Variants in ZNF343 observed in about 807,000 individuals in gnomAD.
ZNF343 encodes the protein zinc finger protein 343.
A neutral mutation model predicts 13.8 loss-of-function variants in ZNF343; 11 were observed. The ratio of observed to expected loss-of-function variants is 0.80; its 90% CI spans 0.50 to 1.32. ZNF343 has a LOEUF of 1.32. Ranked by LOEUF, ZNF343 falls within the 40% of genes most tolerant of loss-of-function variation. The pLI, the probability that ZNF343 is intolerant of heterozygous loss-of-function variation, is 0.00. For missense variants in ZNF343, 658 were observed against 714.2 expected (o/e 0.92, Z 0.90); for synonymous variants, 248 against 260.0 (o/e 0.95, Z 0.44).
At chr20:2,516,139 CTGAG>C (rs1021707815) in intron 1 of ZNF343, among the ~76,000 whole-genome samples, 20 of 151,884 alleles carry the variant, frequency 1.3e-4, no homozygotes, top group African/African-American at 4.6e-4. Flanking sequence ...AGAGAGCAGG[CTGAG>C]TGTTTGGTTC....
chr20:2,482,964 G>T lies in ZNF343; in HGVS notation c.*197C>A. 1 of 630,124 alleles carries T rather than the reference G, an allele frequency of 1.6e-6. No homozygotes were observed. The highest frequency in any genetic ancestry group is 2.7e-6 in the Non-Finnish European group (1 of 372,320). The allele number at this position is 630,124 out of a possible 1,614,324, so 39.0% of individuals were successfully genotyped here. A position where few individuals can be genotyped will look rare whatever the true frequency, so the allele number is the denominator to read the frequency against. On this transcript the variant is annotated 3_prime_UTR_variant, in exon 6 of 6. Coordinates refer to ENST00000278772, the MANE Select transcript of ZNF343 (RefSeq NM_024325.6). ...TCAAGGCTGACTGATGGCTACAGTT[G>T]CCCGTACTCTATACTCATAAGGCTC...
At chr20:2,490,147 T>C (rs765384565) in intron 5 of ZNF343, among the ~76,000 whole-genome samples, 14 of 152,018 alleles carry the variant, frequency 9.2e-5, no homozygotes, top group Non-Finnish European at 1.9e-4. Flanking sequence ...AGAATAAGCT[T>C]GTGGTTGCAG....
chr20:2,501,690 C>A (rs2085570166), intron 1 of ZNF343, among the ~76,000 whole-genome samples: 3 of 152,198 alleles, frequency 2.0e-5, no homozygotes, highest in Admixed American at 2.0e-4. Flanking sequence ...CTGCTGATAC[C>A]CAGTCAAACA....
intron 1 of ZNF343, among the ~76,000 whole-genome samples, chr20:2,514,615 A>G (rs1405631031): frequency 6.6e-6 from 1 of 152,224 alleles, no homozygotes; most frequent in African/African-American, 2.4e-5. Flanking sequence ...TAAGCAGTCT[A>G]ATTTAAAGCT....
rs57527598 is a variant in ZNF343, at chr20:2,502,909, G to A, written c.-236-2167C>T. On this transcript the variant is annotated intron_variant, in intron 1 of 5. Transcript: ENST00000278772. ...CTAGGAAGAAACTGCATCAACTAAC[G>A]AGCAAAATAACCAGCTAACATCATA... Among the ~76,000 whole-genome samples, 1,165 of 152,178 alleles carry A rather than the reference G, an allele frequency of 7.7e-3. 18 individuals carry two copies. Among genetic ancestry groups the A allele is most frequent in the African/African-American group, 0.026 (1,062 of 41,522 alleles).
chr20:2,495,390 C>T (rs1450895729), intron 2 of ZNF343: 2 of 152,240 alleles, frequency 1.3e-5, no homozygotes, highest in Non-Finnish European at 2.9e-5. Flanking sequence ...CTGTCCCAGA[C>T]ATCAGGCTTG....
intron 1 of ZNF343, among the ~76,000 whole-genome samples, chr20:2,504,017 C>T (rs1417114366): frequency 6.6e-6 from 1 of 152,072 alleles, no homozygotes; most frequent in African/African-American, 2.4e-5. Context: ...TCAGTGAATC[C>T]AGGAGCTGGT....
chr20:2,498,592 T>C (rs1309928677), intron 2 of ZNF343, among the ~76,000 whole-genome samples: 1 of 152,160 alleles, frequency 6.6e-6, no homozygotes, highest in Non-Finnish European at 1.5e-5. Context: ...AAAGGTGAGC[T>C]GAGAGATAAT....
Position 2,483,310 on chromosome 20 carries a change from A to G in ZNF343, c.1651T>C (p.Cys551Arg). 1 of 1,610,784 alleles carries G rather than the reference A, an allele frequency of 6.2e-7. No homozygotes were observed. The highest frequency in any genetic ancestry group is 8.5e-7 in the Non-Finnish European group (1 of 1,179,228). The change falls in exon 6 of 6, where the codon TGC becomes CGC. Residue 551 changes from cysteine to arginine, a missense_variant. By Grantham distance (180) the Cys-to-Arg change is radical. Transcript: ENST00000278772. Reference protein sequence around the residue: ...RTHSGEKPYVCSECGRGFSRK... With the variant: ...RTHSGEKPYVRSECGRGFSRK... ...CTAAAGCCTCGGCCACACTCACTGC[A>G]CACGTAAGGCTTCTCTCCTGAGTGT... is the stretch of plus-strand genomic sequence containing the variant.
At position 2,508,378 on chromosome 20, in the gene ZNF343, C is replaced by G. The variant is rs1379389788; in HGVS notation, c.-237+503G>C. Among the ~76,000 whole-genome samples, 1 of 151,932 alleles carries G rather than the reference C, an allele frequency of 6.6e-6. No homozygotes were observed. Among genetic ancestry groups the G allele is most frequent in the Non-Finnish European group, 1.5e-5 (1 of 67,998 alleles). On this transcript the variant is annotated intron_variant, in intron 1 of 5. Coordinates refer to ENST00000278772, the MANE Select transcript of ZNF343 (RefSeq NM_024325.6). This position sits in a 1 kb window ranked among gnomAD's most constrained non-coding sequence, Gnocchi z 4.5. ...GGTCACCACTCGGGACATATCCAGC[C>G]CCACCCAAAAAACAGAAAAACTCGG...
intron 5 of ZNF343, among the ~76,000 whole-genome samples, chr20:2,488,018 T>A (rs1183153834): frequency 6.6e-6 from 1 of 152,250 alleles, no homozygotes; most frequent in Non-Finnish European, 1.5e-5. Context: ...AGGGTTCTTC[T>A]CTTTGAATTT....
At chr20:2,493,261 TG>T (rs746818967) in intron 4 of ZNF343, among the ~76,000 whole-genome samples, 21 of 151,906 alleles carry the variant, frequency 1.4e-4, no homozygotes, top group Non-Finnish European at 2.8e-4. Flanking sequence ...GAAGAAAACT[TG>T]GATTACAGAG....
intron 5 of ZNF343, among the ~76,000 whole-genome samples, chr20:2,490,837 A>C (rs1310265455): frequency 6.6e-6 from 1 of 152,208 alleles, no homozygotes; most frequent in Admixed American, 6.5e-5. Flanking sequence ...ATCAAAACAC[A>C]CAAAACCATT....
chr20:2,487,259 C>G (rs1350977791), intron 5 of ZNF343, among the ~76,000 whole-genome samples: 5 of 152,198 alleles, frequency 3.3e-5, no homozygotes, highest in African/African-American at 1.2e-4. Context: ...TATTTAAACA[C>G]TAACATGCTC....
At position 2,508,506 on chromosome 20, in the gene ZNF343, T is replaced by C. The variant is rs1322656075; in HGVS notation, c.-237+375A>G. Among the ~76,000 whole-genome samples the C allele has an allele frequency of 6.6e-6, 1 of 152,270 alleles. No individual in the cohort carries two copies. Among genetic ancestry groups the C allele is most frequent in the East Asian group, 1.9e-4 (1 of 5,168 alleles). ...GCGGGGATGTTGGTCCATTTGGCCC[T>C]GGCAGAACTCAACCCCACAGCCCAA... On this transcript the variant is annotated intron_variant, in intron 1 of 5. Coordinates refer to ENST00000278772, the MANE Select transcript of ZNF343 (RefSeq NM_024325.6). This position sits in a 1 kb window ranked among gnomAD's most constrained non-coding sequence, Gnocchi z 4.5.
intron 4 of ZNF343, among the ~76,000 whole-genome samples, chr20:2,493,198 CT>C (rs988862299): frequency 4.6e-5 from 7 of 152,058 alleles, no homozygotes; most frequent in African/African-American, 1.7e-4. Context: ...GCATCATGGA[CT>C]TGGGGCTTGT....
At chr20:2,506,783 C>CG (rs1246380755) in intron 1 of ZNF343, among the ~76,000 whole-genome samples, 1 of 151,888 alleles carries the variant, frequency 6.6e-6, no homozygotes, top group African/African-American at 2.4e-5. Flanking sequence ...CATCACACCC[C>CG]GGGGCCTGTT....
At chr20:2,511,897 TG>T (rs1157380849), upstream of ZNF343, among the ~76,000 whole-genome samples, 2 of 152,152 alleles carry the variant, frequency 1.3e-5, no homozygotes, top group Non-Finnish European at 2.9e-5. Flanking sequence ...TATTCAACAT[TG>T]TACTGGAAGG....
At chr20:2,501,654 C>A (rs1346412320) in intron 1 of ZNF343, among the ~76,000 whole-genome samples, 1 of 152,168 alleles carries the variant, frequency 6.6e-6, no homozygotes, top group African/African-American at 2.4e-5. Context: ...TGCTGTTCAC[C>A]AATATCCACT....
Sources: allele counts gnomAD v4.1 joint callset (sites outside exome capture counted in the v4.1 genomes callset), GRCh38; gene constraint gnomAD v4.1.1; non-coding constraint Gnocchi (gnomAD v3.1); transcripts MANE v1.5; gene names NCBI Gene and HGNC (gene_info 2026-07-23, HGNC 2026-07-21).